The following PKD1L1 variants were observed in gnomAD, a reference collection of about 807,000 sequenced individuals.
The protein encoded by PKD1L1 is polycystin-1-like protein 1.
Under a neutral mutation model 323.4 loss-of-function variants are expected in PKD1L1, and 236 were observed. That is an observed-to-expected ratio of 0.73 (90% CI 0.66 to 0.81). The LOEUF (loss-of-function observed/expected upper bound fraction) is 0.81. PKD1L1 is among the 40% of genes least tolerant of loss of function. PKD1L1 has a pLI of 0.00. For missense variants in PKD1L1, 3,320 were observed against 3,508.0 expected (o/e 0.95, Z 1.35); for synonymous variants, 1,344 against 1,335.0 (o/e 1.01, Z -0.15).
chr7:47,817,634 C>T (rs895530721), intron 46 of PKD1L1, among the ~76,000 whole-genome samples: 7 of 152,168 alleles, frequency 4.6e-5, no homozygotes, highest in Admixed American at 2.6e-4. Context: ...TTTGGAAGGC[C>T]GAGGTGAGTA....
chr7:47,943,123 G>T (rs1457653581), intron 2 of PKD1L1, among the ~76,000 whole-genome samples: 1 of 139,704 alleles, frequency 7.2e-6, no homozygotes, highest in African/African-American at 2.7e-5. Flanking sequence ...TCCAGCCTGG[G>T]TGACAGAGTG....
rs376601860 is a variant in PKD1L1 at position 47,888,088 on chromosome 7, G to C, written c.2738C>G (p.Ser913Cys). 6.2e-6 allele frequency: 10 copies of C among 1,614,004 alleles called. No individual in the cohort carries two copies. Among genetic ancestry groups the C allele is most frequent in the East Asian group, 2.2e-5 (1 of 44,874 alleles). Residue 913 changes from serine (S) to cysteine (C), a missense_variant, in exon 17 of 57, where the codon TCT (serine) becomes TGT (cysteine). Ser to Cys is a moderately radical substitution (Grantham distance 112, BLOSUM62 -1). Coordinates refer to ENST00000289672, the MANE Select transcript of PKD1L1 (RefSeq NM_138295.5). ...DTFVNWNDEL[S>C]LQAMCEDCSE... Reference sequence around the variant, plus strand: ...GCAGTCCTCACACATAGCTTGAAGAGAGAGTTCGTCATTCCAGTTGACGAA... The same window carrying C: ...GCAGTCCTCACACATAGCTTGAAGACAGAGTTCGTCATTCCAGTTGACGAA...
chr7:47,838,674 T>C (rs1358509120), intron 36 of PKD1L1, among the ~76,000 whole-genome samples: 1 of 151,780 alleles, frequency 6.6e-6, no homozygotes, highest in Non-Finnish European at 1.5e-5. Flanking sequence ...GATCAAGAGA[T>C]CAAGACCAAT....
chr7:47,868,366 C>T (rs1786210895), intron 24 of PKD1L1, among the ~76,000 whole-genome samples: 1 of 151,708 alleles, frequency 6.6e-6, no homozygotes, highest in Non-Finnish European at 1.5e-5. Context: ...GAGACCTTGT[C>T]TCAAGGCAAA....
intron 54 of PKD1L1, among the ~76,000 whole-genome samples, chr7:47,798,712 G>A (rs977687007): frequency 3.3e-4 from 49 of 147,500 alleles, no homozygotes; most frequent in African/African-American, 1.2e-3. Context: ...CTGAGATCAC[G>A]CCACTGCACT....
At chr7:47,911,456 A>G (rs1373222268) in intron 8 of PKD1L1, among the ~76,000 whole-genome samples, 2 of 152,220 alleles carry the variant, frequency 1.3e-5, no homozygotes, top group Non-Finnish European at 1.5e-5. Context: ...ACAAATACCA[A>G]TTCCTTACTT....
At chr7:47,848,110 G>C (rs1488363857) in intron 31 of PKD1L1, among the ~76,000 whole-genome samples, 1 of 152,146 alleles carries the variant, frequency 6.6e-6, no homozygotes, top group Non-Finnish European at 1.5e-5. Context: ...TTTTGGCAAA[G>C]ACGTGGGAAA....
chr7:47,871,946 A>T (rs951171090), intron 24 of PKD1L1, among the ~76,000 whole-genome samples: 5 of 152,182 alleles, frequency 3.3e-5, no homozygotes, highest in African/African-American at 9.7e-5. Flanking sequence ...AAGAAATAGA[A>T]ATGGAAGGCA....
chr7:47,827,303 A>T, intron 45 of PKD1L1, 47 bp downstream of exon 45: 1 of 1,464,780 alleles, frequency 6.8e-7, no homozygotes, highest in Non-Finnish European at 9.3e-7. Context: ...CCCTCCGAGA[A>T]GGGAGCTGGA....
At chr7:47,828,939 G>A (rs990801050) in intron 44 of PKD1L1, among the ~76,000 whole-genome samples, 7 of 152,160 alleles carry the variant, frequency 4.6e-5, no homozygotes, top group African/African-American at 1.7e-4. Context: ...ATGTCTTTGC[G>A]GTGGCCAGCA....
chr7:47,908,093 G>T lies in PKD1L1; in HGVS notation c.1386C>A (p.Ser462=). The change falls in exon 9 of 57, where the codon TCC becomes TCA. Residue 462 remains serine, a synonymous_variant. Transcript: ENST00000289672. ...ACGTCTTACTTTTCTGATTCACTTG[G>T]GAGTCAGCAAAGACAAGCACTTCAT... ...HEDEVLVFAD[S]QVNQKSTVVI... 3 of 1,613,764 alleles carry T rather than the reference G, an allele frequency of 1.9e-6. No homozygotes were observed. The highest frequency in any genetic ancestry group is 2.5e-6 in the Non-Finnish European group (3 of 1,179,978).
chr7:47,935,525 A>G (rs545814948), intron 4 of PKD1L1, among the ~76,000 whole-genome samples: 45 of 152,362 alleles, frequency 3.0e-4, no homozygotes, highest in African/African-American at 3.8e-4. Context: ...ATTCTCCCCA[A>G]TACTGCTGTC....
rs148181890 is a variant in PKD1L1 at position 47,783,581 on chromosome 7, G to A, written c.8527-8415C>T. 1.9e-3 allele frequency among the ~76,000 whole-genome samples: 287 copies of A among 152,230 alleles called. 1 individual carries two copies. The highest frequency in any genetic ancestry group is 6.4e-3 in the African/African-American group (264 of 41,522). On this transcript the variant is annotated intron_variant, in intron 56 of 56. Coordinates refer to ENST00000289672, the MANE Select transcript of PKD1L1 (RefSeq NM_138295.5). ...AAGCTAAGATAAGGTAATTAGGGTC[G>A]GTCCTAATCCAATATGATTGTGTTA...
chr7:47,775,233 G>C, intron 56 of PKD1L1, 67 bp from the exon 57 acceptor site: 1 of 1,590,348 alleles, frequency 6.3e-7, no homozygotes, highest in Non-Finnish European at 8.6e-7. Flanking sequence ...AGAACAAATA[G>C]GCAGAAAGGC....
At chr7:47,889,982 C>T (rs1786773917) in intron 16 of PKD1L1, among the ~76,000 whole-genome samples, 1 of 152,226 alleles carries the variant, frequency 6.6e-6, no homozygotes, top group Non-Finnish European at 1.5e-5. Context: ...GTCCTGGTAT[C>T]CTGTGTTTGG....
chr7:47,832,203 G>A (rs569290443), intron 41 of PKD1L1, among the ~76,000 whole-genome samples: 1 of 152,198 alleles, frequency 6.6e-6, no homozygotes, highest in African/African-American at 2.4e-5. Flanking sequence ...CAGTGGCGTT[G>A]TCCTAAGCCA....
intron 54 of PKD1L1, among the ~76,000 whole-genome samples, chr7:47,799,689 C>T (rs780306721): frequency 3.9e-5 from 6 of 152,158 alleles, no homozygotes; most frequent in African/African-American, 7.2e-5. Context: ...TAGAACTTAA[C>T]GCTGAACGAG....
intron 54 of PKD1L1, among the ~76,000 whole-genome samples, chr7:47,798,961 G>A (rs1677575905): frequency 6.6e-6 from 1 of 152,096 alleles, no homozygotes; most frequent in South Asian, 2.1e-4. Flanking sequence ...AGAATAAAAG[G>A]AGAAGCTACA....
chr7:47,813,346 C>A, intron 48 of PKD1L1, 53 bp from the exon 49 acceptor site: 1 of 1,595,268 alleles, frequency 6.3e-7, no homozygotes, highest in South Asian at 1.1e-5. Context: ...CAAGGCTACC[C>A]TGCAATCCGG....
Sources: allele counts gnomAD v4.1 joint callset (sites outside exome capture counted in the v4.1 genomes callset), GRCh38; gene constraint gnomAD v4.1.1; transcripts MANE v1.5; gene names NCBI Gene and HGNC (gene_info 2026-07-23, HGNC 2026-07-21).